MBD6: variants seen among roughly 807,000 people sequenced by gnomAD.
MBD6 encodes the protein methyl-CpG binding domain protein 6.
Under a neutral mutation model 66.8 loss-of-function variants are expected in MBD6, and 22 were observed. That is an observed-to-expected ratio of 0.33 (90% CI 0.24 to 0.47). The LOEUF (loss-of-function observed/expected upper bound fraction) is 0.47. Ranked by LOEUF, MBD6 falls within the 20% of genes least tolerant of loss-of-function variation. The probability of loss-of-function intolerance (pLI) is 1.00; values close to 1 mark genes in which losing one functional copy is unlikely to be tolerated. For synonymous variants in MBD6, 540 were observed against 534.6 expected, an observed-to-expected ratio of 1.01 and a Z score of -0.14; for missense variants, 1,322 against 1,286.9, an observed-to-expected ratio of 1.03 and a Z score of -0.42.
chr12:57,530,961 G>A (rs184472766), downstream of MBD6, among the ~76,000 whole-genome samples: 15 of 152,288 alleles, frequency 9.8e-5, no homozygotes. Context: ...CTTGGGGTGA[G>A]CCCAAGCAGG....
Position 57,528,030 on chromosome 12 carries a change from G to A in MBD6, c.2406+13G>A, listed in dbSNP as rs186113942. ...ACAGAGTCTCCAGGTGAGGGTGTGG[G>A]CATATATTTGTCAGGGAGATAATTT... On this transcript the variant is annotated intron_variant, in intron 9 of 12. Coordinates refer to ENST00000355673, the MANE Select transcript of MBD6 (RefSeq NM_052897.4). 159 of 1,532,198 alleles carry A rather than the reference G, an allele frequency of 1.0e-4. 1 individual carries two copies. In the Middle Eastern group the frequency reaches 4.6e-3, roughly 44 times the overall value. The allele number at this position is 1,532,198 out of a possible 1,614,324, so 94.9% of individuals were successfully genotyped here. A position where few individuals can be genotyped will look rare whatever the true frequency, so the allele number is the denominator to read the frequency against.
chr12:57,529,432 C>CCCCA lies in MBD6; in HGVS notation c.*201_*202insACCC. ...CAGGGAAGTTCACCCCCCCCCACCA[C>CCCCA]CCCCCCGCCCCCCCGAAGCCATGTC... On this transcript the variant is annotated 3_prime_UTR_variant, in exon 13 of 13. Coordinates refer to ENST00000355673, the MANE Select transcript of MBD6 (RefSeq NM_052897.4). 2.0e-6 allele frequency: 1 copy of CCCCA among 512,340 alleles called. No individual in the cohort carries two copies. The highest frequency in any genetic ancestry group is 3.4e-6 in the Non-Finnish European group (1 of 291,318). 31.7% of individuals were successfully genotyped at this position (512,340 alleles called of 1,614,324 possible).
At chr12:57,527,746 A>G (rs886660211) in intron 8 of MBD6, 86 bp downstream of exon 8, 1 of 1,553,516 alleles carries the variant, frequency 6.4e-7, no homozygotes, top group African/African-American at 1.4e-5. Flanking sequence ...AAATTGGGGA[A>G]GAAAGTCTTT....
rs904464605 is a variant in MBD6, at chr12:57,529,790, C to T, written c.*556C>T. The T allele has an allele frequency of 1.9e-5, 3 of 154,888 alleles. No homozygotes were observed. Among genetic ancestry groups the T allele is most frequent in the African/African-American group, 7.2e-5 (3 of 41,450 alleles). 9.6% of individuals were successfully genotyped at this position (154,888 alleles called of 1,614,324 possible). ...TTACCCCGTCCCCAGGTTTGAAACA[C>T]ATAGCCTCATTTCAAGGTGTAGCCA... On this transcript the variant is annotated 3_prime_UTR_variant, in exon 13 of 13. Transcript: ENST00000355673.
In MBD6 at chr12:57,524,461, C is replaced by T. The variant is rs1178671355; in HGVS notation, c.113+45C>T. ...CCCAAGCTCTGCCACTCCAGTTGCC[C>T]AGGTTTTCTTTCTTCCGTTTCTTCT... On this transcript the variant is annotated intron_variant, in intron 3 of 12. Transcript: ENST00000355673. 3 of 1,497,544 alleles carry T rather than the reference C, an allele frequency of 2.0e-6. No homozygotes were observed. The African/African-American group carries it at 4.2e-5, about 21-fold the overall frequency. The allele number at this position is 1,497,544 out of a possible 1,614,324, so 92.8% of individuals were successfully genotyped here.
rs1594871690 is a variant in MBD6, at chr12:57,529,422, C to T, written c.*188C>T. ...TTGCAGGGGGCAGGGAAGTTCACCC[C>T]CCCCCACCACCCCCCCGCCCCCCCG... On this transcript the variant is annotated 3_prime_UTR_variant, in exon 13 of 13. Coordinates refer to ENST00000355673, the MANE Select transcript of MBD6 (RefSeq NM_052897.4). 2.4e-5 allele frequency: 13 copies of T among 534,802 alleles called. No individual in the cohort carries two copies. The East Asian group carries it at 2.8e-4, about 11-fold the overall frequency. 33.1% of individuals were successfully genotyped at this position (534,802 alleles called of 1,614,324 possible).
At chr12:57,524,877 C>T in intron 4 of MBD6, 55 bp downstream of exon 4, 3 of 1,611,274 alleles carry the variant, frequency 1.9e-6, no homozygotes, top group Non-Finnish European at 2.5e-6. Flanking sequence ...AGTCTTAATG[C>T]AAATCACTGA....
intron 11 of MBD6, 63 bp downstream of exon 11, chr12:57,528,781 A>G (rs1018640632): frequency 1.2e-5 from 19 of 1,609,004 alleles, no homozygotes; most frequent in African/African-American, 4.0e-5. Flanking sequence ...GGACAGTTCT[A>G]ATGTCCAAAT....
In MBD6 at chr12:57,525,130, A is replaced by C. The variant is rs1246976130; in HGVS notation, c.379+15A>C. 1 of 1,599,762 alleles carries C rather than the reference A, an allele frequency of 6.3e-7. No homozygotes were observed. The highest frequency in any genetic ancestry group is 1.4e-5 in the African/African-American group (1 of 73,906). ...CTCTTCTCCTGGTGAGTCTTCTGCCACTTTACAGAAGACCGAGGAAAACCT... is the reference window on the plus strand; with the variant it reads ...CTCTTCTCCTGGTGAGTCTTCTGCCCCTTTACAGAAGACCGAGGAAAACCT... On this transcript the variant is annotated intron_variant, in intron 5 of 12. Coordinates refer to ENST00000355673, the MANE Select transcript of MBD6 (RefSeq NM_052897.4).
At chr12:57,527,401 A>G (rs1768997454) in intron 7 of MBD6, 106 bp from the exon 8 acceptor site, 3 of 1,402,950 alleles carry the variant, frequency 2.1e-6, no homozygotes, top group African/African-American at 2.8e-5. Flanking sequence ...TTTAATAAGC[A>G]TGGCCTATCT....
chr12:57,528,349 G>A lies in MBD6; in HGVS notation c.2609G>A (p.Gly870Asp). The A allele has an allele frequency of 2.5e-6, 4 of 1,611,880 alleles. No individual in the cohort carries two copies. Among genetic ancestry groups the A allele is most frequent in the Non-Finnish European group, 2.5e-6 (3 of 1,179,536 alleles). ...GGAGGGGGACTTAGGGGCATTAATG[G>A]TGAGGCCAGGCCAGCCCGGGGCCGA... is the stretch of plus-strand genomic sequence containing the variant. ...RGGGGLRGIN[G>D]EARPARGRKP... Residue 870 changes from glycine to aspartate, a missense_variant, in exon 10 of 13, where the codon GGT becomes GAT. Transcript: ENST00000355673.
chr12:57,524,313 G>T lies in MBD6; in HGVS notation c.10G>T (p.Gly4Cys). Residue 4 changes from glycine (G) to cysteine (C), a missense_variant, in exon 3 of 13, where the codon GGC becomes TGC. Gly to Cys is a radical substitution (Grantham distance 159). Transcript: ENST00000355673. The stretch of plus-strand genomic sequence containing the variant: ...GAGCTGATTACACACAATGAATGGG[G>T]GCAATGAGAGCAGTGGAGCAGACAG... MNG[G>C]NESSGADRAG... 1 of 1,561,820 alleles carries T rather than the reference G, an allele frequency of 6.4e-7. No individual in the cohort carries two copies. The highest frequency in any genetic ancestry group is 1.2e-5 in the South Asian group (1 of 83,602).
Position 57,528,282 on chromosome 12 carries a change from C to G in MBD6, c.2542C>G (p.Leu848Val), listed in dbSNP as rs746625162. ...TTCTCCCGACCCCCCAGTCCCTGAG[C>G]TGCTCACTGGGAGGGGGTCAGGGAA... The part of the protein sequence containing the change: ...HGSPDPPVPE[L>V]LTGRGSGKRG... Residue 848 changes from leucine (L) to valine (V), a missense_variant, in exon 10 of 13, where the codon CTG (leucine) becomes GTG (valine). Transcript: ENST00000355673. 6.2e-7 allele frequency: 1 copy of G among 1,605,088 alleles called. No individual in the cohort carries two copies. Among genetic ancestry groups the G allele is most frequent in the South Asian group, 1.1e-5 (1 of 89,908 alleles).
At position 57,524,538 on chromosome 12, in the gene MBD6, C is replaced by G. The variant is rs1878704719; in HGVS notation, c.113+122C>G. ...TGCTCTCCTCTCTTCCCCTTCCTTCCTCAGCCTTTTTGCTTTCTGTAGCTC... is the reference window on the plus strand; with the variant it reads ...TGCTCTCCTCTCTTCCCCTTCCTTCGTCAGCCTTTTTGCTTTCTGTAGCTC... On this transcript the variant is annotated intron_variant, in intron 3 of 12. Coordinates refer to ENST00000355673, the MANE Select transcript of MBD6 (RefSeq NM_052897.4). The G allele has an allele frequency of 2.7e-6, 3 of 1,109,108 alleles. No individual in the cohort carries two copies. In the East Asian group the frequency reaches 7.7e-5, roughly 28 times the overall value. The allele number at this position is 1,109,108 out of a possible 1,614,324, so 68.7% of individuals were successfully genotyped here. A position where few individuals can be genotyped will look rare whatever the true frequency, so the allele number is the denominator to read the frequency against.
Position 57,528,366 on chromosome 12 carries a change from C to T in MBD6, c.2626C>T (p.Arg876Trp), listed in dbSNP as rs369393480. The change falls in exon 10 of 13, where the codon CGG becomes TGG. Residue 876 changes from arginine (R) to tryptophan (W), a missense_variant. Transcript: ENST00000355673. ...CATTAATGGTGAGGCCAGGCCAGCC[C>T]GGGGCCGAAAGCCTGGCAGCCGGCG... ...RGINGEARPA[R>W]GRKPGSRREP... The T allele has an allele frequency of 1.1e-4, 181 of 1,612,204 alleles. No individual in the cohort carries two copies. The highest frequency in any genetic ancestry group is 1.4e-4 in the Non-Finnish European group (166 of 1,179,734).
chr12:57,528,719 G>A lies in MBD6; in HGVS notation c.2873+1G>A. 1 of 1,614,224 alleles carries A rather than the reference G, an allele frequency of 6.2e-7. No individual in the cohort carries two copies. Among genetic ancestry groups the A allele is most frequent in the Non-Finnish European group, 8.5e-7 (1 of 1,180,032 alleles). ...GTCGTGGCCGTAGGAGAAAATACAA[G>A]TGAGTGTTGGGCCTACTATAGTGCT... On this transcript the variant is annotated splice_donor_variant, in intron 11 of 12. Coordinates refer to ENST00000355673, the MANE Select transcript of MBD6 (RefSeq NM_052897.4). LOFTEE classifies it high-confidence loss of function.
rs1167834528 is a variant in MBD6 at position 57,525,049 on chromosome 12, C to A, written c.313C>A (p.Arg105=). The A allele has an allele frequency of 2.5e-6, 4 of 1,613,386 alleles. No individual in the cohort carries two copies. The highest frequency in any genetic ancestry group is 1.3e-5 in the African/African-American group (1 of 75,002). ...EDMTKLCNHR[R]KAVAMATLYR... ...CATGACCAAGCTGTGCAACCACCGG[C>A]GGAAAGCTGTTGCTATGGCAACTCT... The change falls in exon 5 of 13, where the codon CGG becomes AGG. Residue 105 remains arginine, a synonymous_variant. Coordinates refer to ENST00000355673, the MANE Select transcript of MBD6 (RefSeq NM_052897.4).
In MBD6 at chr12:57,525,720, C is replaced by T. The variant is rs772456312; in HGVS notation, c.752C>T (p.Ser251Phe). ...GGCTCTCCTCCGGCCCCTCATGCCT[C>T]CTCCTCACCACCTTCAGACCCTCCT... is the stretch of plus-strand genomic sequence containing the variant. ...DLGSPPAPHA[S>F]SSPPSDPPLF... The change falls in exon 6 of 13, where the codon TCC (serine) becomes TTC (phenylalanine). Residue 251 changes from serine (S) to phenylalanine (F), a missense_variant. Physicochemically the swap from Ser to Phe is radical, Grantham distance 155. Coordinates refer to ENST00000355673, the MANE Select transcript of MBD6 (RefSeq NM_052897.4). 1 of 1,614,048 alleles carries T rather than the reference C, an allele frequency of 6.2e-7. No homozygotes were observed. Among genetic ancestry groups the T allele is most frequent in the South Asian group, 1.1e-5 (1 of 91,086 alleles).
chr12:57,530,895 A>G (rs979991671), downstream of MBD6: 5 of 872,444 alleles, frequency 5.7e-6, no homozygotes, highest in Admixed American at 6.0e-5. Flanking sequence ...TGGGCCACAG[A>G]GGGGGGATGT....
Sources: allele counts gnomAD v4.1 joint callset (sites outside exome capture counted in the v4.1 genomes callset), GRCh38; gene constraint gnomAD v4.1.1; transcripts MANE v1.5; gene names NCBI Gene and HGNC (gene_info 2026-07-23, HGNC 2026-07-21).